CNTN5: variants seen among roughly 807,000 people sequenced by gnomAD.
The protein encoded by CNTN5 is contactin 5.
In CNTN5, 77 loss-of-function variants were observed where a neutral mutation model predicts 129.1. That is an observed-to-expected ratio of 0.60 (90% CI 0.50 to 0.72). The LOEUF is 0.72. CNTN5 is among the 30% of genes least tolerant of loss of function. The pLI is 0.00. For missense variants in CNTN5, 1,478 were observed against 1,328.8 expected (o/e 1.11, Z -1.75); for synonymous variants, 509 against 465.6 (o/e 1.09, Z -1.20).
At chr11:100,107,712 A>G (rs1014298828) in intron 13 of CNTN5, among the ~76,000 whole-genome samples, 1 of 152,086 alleles carries the variant, frequency 6.6e-6, no homozygotes, top group Non-Finnish European at 1.5e-5. Flanking sequence ...AAATTCATCA[A>G]TCAATAAATT....
intron 2 of CNTN5, among the ~76,000 whole-genome samples, chr11:99,483,168 C>G (rs1241374157): frequency 1.1e-5 from 1 of 94,226 alleles, no homozygotes; most frequent in African/African-American, 4.2e-5. Context: ...GAGTGAGACT[C>G]CTTCTCAAAA....
chr11:99,209,758 G>T (rs1859672600), intron 1 of CNTN5, among the ~76,000 whole-genome samples: 1 of 152,080 alleles, frequency 6.6e-6, no homozygotes, highest in Non-Finnish European at 1.5e-5. Context: ...GTAAATTCTA[G>T]ATCAGAACGT....
At chr11:99,753,685 C>T (rs1452690426) in intron 3 of CNTN5, among the ~76,000 whole-genome samples, 4 of 120,950 alleles carry the variant, frequency 3.3e-5, no homozygotes, top group African/African-American at 6.0e-5. Flanking sequence ...AAAAAGAAAT[C>T]ACTTCCTTTT....
At chr11:100,083,186 G>A (rs1036258376) in intron 13 of CNTN5, among the ~76,000 whole-genome samples, 1 of 151,886 alleles carries the variant, frequency 6.6e-6, no homozygotes, top group Non-Finnish European at 1.5e-5. Context: ...GCGTGGTGGT[G>A]CATTCCTGTA....
intron 6 of CNTN5, among the ~76,000 whole-genome samples, chr11:99,868,597 G>A (rs753055119): frequency 6.6e-6 from 1 of 152,126 alleles, no homozygotes; most frequent in Non-Finnish European, 1.5e-5. Flanking sequence ...ATTTCAAGTT[G>A]GTTCCCAACT....
rs1290447912 is a variant in CNTN5, at chr11:100,086,883, AG to A, written c.1580+12592del. Among the ~76,000 whole-genome samples the A allele has an allele frequency of 5.3e-5, 8 of 151,788 alleles. No individual in the cohort carries two copies. The East Asian group carries it at 1.5e-3, about 29-fold the overall frequency. Reference sequence around the variant, plus strand: ...TATATTCCTTGTATTTCAGAATATAAGGGAAAATTTATCGCTCTATGTATTT... The same window carrying A: ...TATATTCCTTGTATTTCAGAATATAAGGAAAATTTATCGCTCTATGTATTT... On this transcript the variant is annotated intron_variant, in intron 13 of 24. Coordinates refer to ENST00000524871, the MANE Select transcript of CNTN5 (RefSeq NM_014361.4).
intron 2 of CNTN5, among the ~76,000 whole-genome samples, chr11:99,510,684 G>A (rs1304341449): frequency 4.6e-5 from 7 of 152,092 alleles, no homozygotes; most frequent in Non-Finnish European, 1.0e-4. Flanking sequence ...GTAATGTACT[G>A]CAATGCATTA....
chr11:99,319,774 G>A (rs1865486763), intron 1 of CNTN5, among the ~76,000 whole-genome samples: 1 of 152,088 alleles, frequency 6.6e-6, no homozygotes, highest in East Asian at 1.9e-4. Flanking sequence ...GCTTCATCAT[G>A]AAGAAAACTT....
chr11:99,793,899 T>C (rs1026333211), intron 3 of CNTN5, among the ~76,000 whole-genome samples: 1 of 152,212 alleles, frequency 6.6e-6, no homozygotes, highest in Non-Finnish European at 1.5e-5. Context: ...ATTGTTTTTG[T>C]ATGGAGAGTT....
intron 2 of CNTN5, among the ~76,000 whole-genome samples, chr11:99,475,095 CCTCAT>C (rs1945321062): frequency 6.6e-6 from 1 of 151,188 alleles, no homozygotes; most frequent in African/African-American, 2.4e-5. Context: ...TAAGATCCAC[CCTCAT>C]GAATGTGGGA....
chr11:99,686,171 A>G (rs901411200), intron 3 of CNTN5, among the ~76,000 whole-genome samples: 5 of 152,042 alleles, frequency 3.3e-5, no homozygotes, highest in Non-Finnish European at 7.4e-5. Flanking sequence ...GGCTTTGTTA[A>G]CATGGTTTTA....
chr11:99,497,342 A>G (rs1323347725), intron 2 of CNTN5, among the ~76,000 whole-genome samples: 2 of 152,180 alleles, frequency 1.3e-5, no homozygotes, highest in Non-Finnish European at 2.9e-5. Context: ...GTCAGAAGCC[A>G]TTTGTGAGAA....
intron 3 of CNTN5, among the ~76,000 whole-genome samples, chr11:99,817,204 CAT>C (rs1049979174): frequency 2.0e-5 from 3 of 152,190 alleles, no homozygotes; most frequent in African/African-American, 4.8e-5. Context: ...GTTGTTATCA[CAT>C]GTTTGTTGAA....
intron 2 of CNTN5, among the ~76,000 whole-genome samples, chr11:99,370,701 G>T (rs1939769863): frequency 6.6e-6 from 1 of 152,212 alleles, no homozygotes; most frequent in Non-Finnish European, 1.5e-5. Flanking sequence ...AGGCATGAGT[G>T]AGGGTGAAGG....
At chr11:99,508,195 C>T (rs1946696811) in intron 2 of CNTN5, among the ~76,000 whole-genome samples, 1 of 152,044 alleles carries the variant, frequency 6.6e-6, no homozygotes, top group Admixed American at 6.6e-5. Flanking sequence ...CTCGCTGAGC[C>T]ACTCCGTTGT....
chr11:100,005,538 C>A (rs1239039993), intron 9 of CNTN5, among the ~76,000 whole-genome samples: 1 of 152,144 alleles, frequency 6.6e-6, no homozygotes, highest in African/African-American at 2.4e-5. Flanking sequence ...ACTAGGTTGG[C>A]AACAGCAAAT....
At chr11:100,217,375 A>G (rs759409113) in intron 15 of CNTN5, among the ~76,000 whole-genome samples, 8 of 152,190 alleles carry the variant, frequency 5.3e-5, no homozygotes, top group Non-Finnish European at 1.2e-4. Flanking sequence ...AGTGTCACAT[A>G]TTTGTGATTT....
intron 13 of CNTN5, among the ~76,000 whole-genome samples, chr11:100,187,339 A>G (rs1565325417): frequency 6.6e-6 from 1 of 151,982 alleles, no homozygotes; most frequent in Non-Finnish European, 1.5e-5. Context: ...AAGCTGGAAA[A>G]ATCAGTATTA....
chr11:99,676,833 A>T (rs1031879500), intron 3 of CNTN5, among the ~76,000 whole-genome samples: 9 of 152,218 alleles, frequency 5.9e-5, no homozygotes, highest in Non-Finnish European at 1.3e-4. Flanking sequence ...CTGAAATAAA[A>T]GTGTGATAAA....
Sources: allele counts gnomAD v4.1 joint callset (sites outside exome capture counted in the v4.1 genomes callset), GRCh38; gene constraint gnomAD v4.1.1; transcripts MANE v1.5; gene names NCBI Gene and HGNC (gene_info 2026-07-23, HGNC 2026-07-21).